Variants in FNDC3B observed in about 807,000 individuals in gnomAD.
FNDC3B encodes the protein fibronectin type III domain-containing protein 3B.
Under a neutral mutation model 151.5 loss-of-function variants are expected in FNDC3B, and 12 were observed. The ratio of observed to expected loss-of-function variants is 0.08; its 90% CI spans 0.05 to 0.13. FNDC3B has a LOEUF of 0.13. Ranked by LOEUF, FNDC3B falls within the 10% of genes least tolerant of loss-of-function variation. The pLI is 1.00. For missense variants in FNDC3B, 1,214 were observed against 1,505.3 expected (o/e 0.81, Z 3.20); for synonymous variants, 528 against 549.0 (o/e 0.96, Z 0.54).
At chr3:172,344,623 T>A (rs1178390418) in intron 19 of FNDC3B, among the ~76,000 whole-genome samples, 11 of 152,212 alleles carry the variant, frequency 7.2e-5, no homozygotes, top group Admixed American at 7.2e-4. Flanking sequence ...TTTTATACTG[T>A]CTTGTCTAAA....
intron 3 of FNDC3B, among the ~76,000 whole-genome samples, chr3:172,220,388 G>C (rs1726220139): frequency 6.6e-6 from 1 of 151,918 alleles, no homozygotes; most frequent in South Asian, 2.1e-4. Flanking sequence ...TTTTTGTTGA[G>C]TTGTGAGAGT....
chr3:172,343,605 G>A (rs894876967), intron 18 of FNDC3B, among the ~76,000 whole-genome samples: 13 of 152,198 alleles, frequency 8.5e-5, no homozygotes. Context: ...AGCGTTTCCT[G>A]TTGTGTCCAG....
At chr3:172,073,870 CAA>C (rs879500795) in intron 1 of FNDC3B, among the ~76,000 whole-genome samples, 19 of 135,662 alleles carry the variant, frequency 1.4e-4, no homozygotes, top group Non-Finnish European at 1.4e-4. Flanking sequence ...TCACTGAGGA[CAA>C]AAAAAAAAAA....
intron 6 of FNDC3B, among the ~76,000 whole-genome samples, chr3:172,254,863 T>C (rs1267067649): frequency 2.0e-5 from 3 of 152,220 alleles, no homozygotes; most frequent in African/African-American, 7.2e-5. Flanking sequence ...AGAATTGGGC[T>C]TTGTTACTTA....
intron 3 of FNDC3B, among the ~76,000 whole-genome samples, chr3:172,141,597 A>C (rs1721633873): frequency 6.6e-6 from 1 of 152,180 alleles, no homozygotes; most frequent in Non-Finnish European, 1.5e-5. Context: ...ACACTTTGGG[A>C]GGCCAAGGTG....
At chr3:172,267,469 T>C (rs890095489) in intron 6 of FNDC3B, among the ~76,000 whole-genome samples, 1 of 152,166 alleles carries the variant, frequency 6.6e-6, no homozygotes, top group African/African-American at 2.4e-5. Context: ...GCACAGTAAA[T>C]TAAGCTAGTT....
intron 1 of FNDC3B, among the ~76,000 whole-genome samples, chr3:172,094,398 G>A (rs182581858): frequency 5.3e-5 from 8 of 152,238 alleles, no homozygotes; most frequent in African/African-American, 1.9e-4. Flanking sequence ...AAAGGGAATC[G>A]TACATTATGT....
At chr3:172,356,721 C>T (rs776562671) in intron 22 of FNDC3B, among the ~76,000 whole-genome samples, 1 of 152,126 alleles carries the variant, frequency 6.6e-6, no homozygotes, top group Non-Finnish European at 1.5e-5. Flanking sequence ...AAGGGATTTT[C>T]GTTGTTTGCT....
At position 172,136,851 on chromosome 3, in the gene FNDC3B, C is replaced by CT. The variant is rs1284813770; in HGVS notation, c.187+3306dup. Among the ~76,000 whole-genome samples the CT allele has an allele frequency of 2.6e-5, 4 of 152,262 alleles. No individual in the cohort carries two copies. The South Asian group carries it at 6.2e-4, about 24-fold the overall frequency. On this transcript the variant is annotated intron_variant, in intron 3 of 25. Coordinates refer to ENST00000415807, the MANE Select transcript of FNDC3B (RefSeq NM_022763.4). ...TCTCCTGCCTAAGCCTCCTGAGTAG[C>CT]TGGGACTACAGGCACACGCCACCAC...
chr3:172,335,027 T>C lies in FNDC3B; in HGVS notation c.1725T>C (p.Pro575=). 2 of 1,613,428 alleles carry C rather than the reference T, an allele frequency of 1.2e-6. No homozygotes were observed. Among genetic ancestry groups the C allele is most frequent in the Non-Finnish European group, 8.5e-7 (1 of 1,179,694 alleles). ...CGAGTCCTGACAGGCCTGGACCTCC[T>C]ACCAGACCGCTTGTCAAAGGCCCAG... ...CTTSPDRPGP[P]TRPLVKGPVT... Residue 575 remains proline (P), a synonymous_variant, in exon 15 of 26, where the codon CCT becomes CCC. Transcript: ENST00000415807.
intron 4 of FNDC3B, among the ~76,000 whole-genome samples, chr3:172,247,035 C>T (rs957869034): frequency 6.6e-6 from 1 of 152,118 alleles, no homozygotes; most frequent in African/African-American, 2.4e-5. Context: ...TCCTAAAGCC[C>T]TGATGATGAT....
intron 5 of FNDC3B, among the ~76,000 whole-genome samples, chr3:172,249,516 A>C (rs1339704546): frequency 6.6e-6 from 1 of 152,206 alleles, no homozygotes; most frequent in African/African-American, 2.4e-5. Flanking sequence ...CCATTGATAT[A>C]TTCTTTTACC....
chr3:172,383,807 A>T (rs1735571063), intron 25 of FNDC3B, among the ~76,000 whole-genome samples: 1 of 152,210 alleles, frequency 6.6e-6, no homozygotes, highest in Non-Finnish European at 1.5e-5. Context: ...CAGATCAATG[A>T]CTCTGAAGGA....
chr3:172,272,433 T>G (rs1186892153), intron 6 of FNDC3B, among the ~76,000 whole-genome samples: 2 of 152,162 alleles, frequency 1.3e-5, no homozygotes, highest in Admixed American at 6.5e-5. Context: ...GTCACAGCTC[T>G]GAGACCACAT....
chr3:172,150,414 A>T (rs1340793370), intron 3 of FNDC3B, among the ~76,000 whole-genome samples: 5 of 152,084 alleles, frequency 3.3e-5, no homozygotes, highest in African/African-American at 9.7e-5. Context: ...CCTCAGCTAA[A>T]GGATGTGTGT....
intron 22 of FNDC3B, among the ~76,000 whole-genome samples, chr3:172,360,756 T>C (rs191010190): frequency 1.6e-3 from 248 of 152,174 alleles, no homozygotes; most frequent in Non-Finnish European, 3.0e-3. Flanking sequence ...GTAGGTCTAT[T>C]TCTGGAGTCT....
intron 4 of FNDC3B, among the ~76,000 whole-genome samples, chr3:172,244,121 C>T (rs1727646100): frequency 6.6e-6 from 1 of 152,204 alleles, no homozygotes; most frequent in Admixed American, 6.5e-5. Flanking sequence ...ATGAGTCTTA[C>T]TGTTGAGCAC....
intron 11 of FNDC3B, among the ~76,000 whole-genome samples, chr3:172,322,623 G>C (rs1168712623): frequency 1.3e-5 from 2 of 152,196 alleles, no homozygotes; most frequent in Non-Finnish European, 2.9e-5. Context: ...AGCACATACA[G>C]TTTTTTAGGT....
At chr3:172,203,299 T>C (rs1725251176) in intron 3 of FNDC3B, among the ~76,000 whole-genome samples, 1 of 152,238 alleles carries the variant, frequency 6.6e-6, no homozygotes, top group Non-Finnish European at 1.5e-5. Context: ...CAAAATGTCA[T>C]TCTGATGGGT....
Sources: allele counts gnomAD v4.1 joint callset (sites outside exome capture counted in the v4.1 genomes callset), GRCh38; gene constraint gnomAD v4.1.1; transcripts MANE v1.5; gene names NCBI Gene and HGNC (gene_info 2026-07-23, HGNC 2026-07-21).